Variants in ABCC8 observed in about 807,000 individuals in gnomAD.
ABCC8 encodes ATP-binding cassette sub-family C member 8.
A neutral mutation model predicts 188.0 loss-of-function variants in ABCC8; 137 were observed. The ratio of observed to expected loss-of-function variants is 0.73; its 90% CI spans 0.63 to 0.84. ABCC8 has a LOEUF of 0.84. Among genes scored for constraint, ABCC8 ranks in the 40% least tolerant of loss-of-function variants. The probability of loss-of-function intolerance (pLI) is 0.00; values close to 1 mark genes in which losing one functional copy is unlikely to be tolerated. For missense variants in ABCC8, 1,750 were observed against 2,072.7 expected (o/e 0.84, Z 3.02); for synonymous variants, 797 against 846.5 (o/e 0.94, Z 1.01).
At position 17,474,868 on chromosome 11, in the gene ABCC8, C is replaced by A. The variant is rs1420525116; in HGVS notation, c.290+18G>T. 6.2e-7 allele frequency: 1 copy of A among 1,613,654 alleles called. No homozygotes were observed. Among genetic ancestry groups the A allele is most frequent in the South Asian group, 1.1e-5 (1 of 91,074 alleles). ...CTGGAGCAGATTCACTTTCCTGAGT[C>A]CTCAGACAGTCACTCACCCATCAGA... On this transcript the variant is annotated intron_variant, in intron 2 of 38. Coordinates refer to ENST00000389817, the MANE Select transcript of ABCC8 (RefSeq NM_000352.6).
At chr11:17,461,443 A>T in intron 5 of ABCC8, 140 bp downstream of exon 5, 1 of 1,121,364 alleles carries the variant, frequency 8.9e-7, no homozygotes. Flanking sequence ...TGTGTGACTT[A>T]AGGCAAGCTT....
At chr11:17,453,847 T>C (rs894116324) in intron 6 of ABCC8, among the ~76,000 whole-genome samples, 1 of 152,190 alleles carries the variant, frequency 6.6e-6, no homozygotes, top group African/African-American at 2.4e-5. Context: ...GCCAGCCTCA[T>C]GGGCTCCCAG....
chr11:17,413,254 A>G, intron 20 of ABCC8, 140 bp downstream of exon 20: 1 of 1,327,988 alleles, frequency 7.5e-7, no homozygotes, highest in Non-Finnish European at 1.1e-6. Flanking sequence ...CAAGAACAAC[A>G]TGTTTGACCT....
chr11:17,451,994 G>A (rs936668015), intron 7 of ABCC8, among the ~76,000 whole-genome samples: 17 of 152,202 alleles, frequency 1.1e-4, no homozygotes, highest in Non-Finnish European at 1.5e-5. Flanking sequence ...AAGAAGGCTG[G>A]CAGAGCAACA....
chr11:17,392,980 G>T lies in ABCC8; in HGVS notation c.*11C>A, dbSNP rs375603803. Reference sequence around the variant, plus strand: ...GGTCCGAATGTGGGATGGCACTTGGGCTCTGGCAGGTCACTTGTCTGCACG... The same window carrying T: ...GGTCCGAATGTGGGATGGCACTTGGTCTCTGGCAGGTCACTTGTCTGCACG... On this transcript the variant is annotated 3_prime_UTR_variant, in exon 39 of 39. Coordinates refer to ENST00000389817, the MANE Select transcript of ABCC8 (RefSeq NM_000352.6). 8.7e-6 allele frequency: 14 copies of T among 1,613,824 alleles called. No individual in the cohort carries two copies. The African/African-American group carries it at 1.7e-4, about 20-fold the overall frequency.
At chr11:17,428,860 G>T in intron 12 of ABCC8, 190 bp from the exon 13 acceptor site, 2 of 1,065,134 alleles carry the variant, frequency 1.9e-6, no homozygotes, top group Non-Finnish European at 2.6e-6. Flanking sequence ...TGCTAGGGTT[G>T]ACCAGTCAGC....
intron 3 of ABCC8, among the ~76,000 whole-genome samples, chr11:17,464,708 T>C (rs944574256): frequency 1.3e-5 from 2 of 152,212 alleles, no homozygotes; most frequent in African/African-American, 4.8e-5. Context: ...CACACTCACT[T>C]CAATCTGCCA....
Position 17,394,230 on chromosome 11 carries a change from C to T in ABCC8, c.4545+36G>A, listed in dbSNP as rs780147713. 26 of 1,607,876 alleles carry T rather than the reference C, an allele frequency of 1.6e-5. No homozygotes were observed. In the African/African-American group the frequency reaches 3.2e-4, roughly 20 times the overall value. ...CCCTAGCATCCCACTAAACCCTTTC[C>T]AAGACCATGGTCCCATGGAGGGGCC... On this transcript the variant is annotated intron_variant, in intron 37 of 38. Coordinates refer to ENST00000389817, the MANE Select transcript of ABCC8 (RefSeq NM_000352.6).
chr11:17,469,068 C>T (rs543787535), intron 3 of ABCC8, among the ~76,000 whole-genome samples: 4 of 131,426 alleles, frequency 3.0e-5, no homozygotes, highest in Non-Finnish European at 6.5e-5. Flanking sequence ...CTCCCTCCCT[C>T]CCTTCCCTCC....
In ABCC8 at chr11:17,460,619, C is replaced by A. The variant is rs1376182984; in HGVS notation, c.880G>T (p.Ala294Ser). 1 of 1,612,720 alleles carries A rather than the reference C, an allele frequency of 6.2e-7. No individual in the cohort carries two copies. Among genetic ancestry groups the A allele is most frequent in the African/African-American group, 1.3e-5 (1 of 74,934 alleles). The stretch of plus-strand genomic sequence containing the variant: ...CTGAGGACCAGGCGCCTCCCGAAGG[C>A]ATGGCTGAGTGCCTGCCAGATGGCC... The part of the protein sequence containing the change: ...ARAIWQALSH[A>S]FGRRLVLSST... The change falls in exon 6 of 39, where the codon GCC becomes TCC. Residue 294 changes from alanine (A) to serine (S), a missense_variant. By Grantham distance (99) the Ala-to-Ser change is moderately conservative (BLOSUM62 1). Transcript: ENST00000389817.
chr11:17,474,902 C>T lies in ABCC8; in HGVS notation c.274G>A (p.Gly92Ser), dbSNP rs780870376. 27 of 1,614,068 alleles carry T rather than the reference C, an allele frequency of 1.7e-5. No homozygotes were observed. The highest frequency in any genetic ancestry group is 2.3e-5 in the Non-Finnish European group (27 of 1,180,048). The change falls in exon 2 of 39, where the codon GGC (glycine) becomes AGC (serine). Residue 92 changes from glycine (G) to serine (S), a missense_variant. Gly to Ser is a moderately conservative substitution (Grantham distance 56, BLOSUM62 0). Coordinates refer to ENST00000389817, the MANE Select transcript of ABCC8 (RefSeq NM_000352.6). ...GTCACTCACCCATCAGACAGGATGC[C>T]CTCTGCAATCTCACACACCAGGACG... ...LFVLVCEIAE[G>S]ILSDGVTESH...
intron 16 of ABCC8, among the ~76,000 whole-genome samples, chr11:17,425,440 A>C (rs1955538312): frequency 6.6e-6 from 1 of 152,158 alleles, no homozygotes; most frequent in African/African-American, 2.4e-5. Context: ...TGACACCTTC[A>C]ATAATTTTCC....
intron 10 of ABCC8, among the ~76,000 whole-genome samples, chr11:17,433,530 G>A (rs920178875): frequency 2.6e-5 from 4 of 152,232 alleles, no homozygotes; most frequent in South Asian, 2.1e-4. Flanking sequence ...CCCAACTTCA[G>A]GGAATCCCAA....
intron 12 of ABCC8, chr11:17,429,903 C>T (rs924949773): frequency 6.6e-6 from 1 of 152,390 alleles, no homozygotes; most frequent in Non-Finnish European, 1.5e-5. Flanking sequence ...TGAACCCATG[C>T]TAGAGTCTCC....
At chr11:17,474,078 T>C (rs1181125416) in intron 2 of ABCC8, among the ~76,000 whole-genome samples, 1 of 152,238 alleles carries the variant, frequency 6.6e-6, no homozygotes, top group Admixed American at 6.5e-5. Context: ...GTCTGAAGCC[T>C]AGTCACCCTT....
In ABCC8 at chr11:17,409,004, G is replaced by A. The variant is rs191984371; in HGVS notation, c.2695-487C>T. On this transcript the variant is annotated intron_variant, in intron 22 of 38. Coordinates refer to ENST00000389817, the MANE Select transcript of ABCC8 (RefSeq NM_000352.6). Reference sequence around the variant, plus strand: ...GGTCTCACTCTGTTGCCTAGGCTGGGGTGCAATGGCACCATCTCAGCTCAC... The same window carrying A: ...GGTCTCACTCTGTTGCCTAGGCTGGAGTGCAATGGCACCATCTCAGCTCAC... 1.5e-4 allele frequency among the ~76,000 whole-genome samples: 22 copies of A among 150,988 alleles called. No homozygotes were observed. In the East Asian group the frequency reaches 4.1e-3, roughly 28 times the overall value.
chr11:17,449,296 C>T (rs1022215080), intron 7 of ABCC8, among the ~76,000 whole-genome samples: 2 of 152,178 alleles, frequency 1.3e-5, no homozygotes, highest in South Asian at 2.1e-4. Flanking sequence ...CAGTGGAGAA[C>T]ACAGATCAGA....
chr11:17,443,053 G>A, intron 9 of ABCC8, 125 bp downstream of exon 9: 1 of 1,493,732 alleles, frequency 6.7e-7, no homozygotes, highest in Non-Finnish European at 9.2e-7. Flanking sequence ...GGCCTGGACA[G>A]GTGAAGTGGC....
In ABCC8 at chr11:17,446,438, A is replaced by G. The variant is rs141476957; in HGVS notation, c.1332+2078T>C. ...GCATGGTCAGAAATCTTCATTTTTC[A>G]TGTTTCAAAAAAAAAATTGTGTTAG... On this transcript the variant is annotated intron_variant, in intron 8 of 38. Transcript: ENST00000389817. Among the ~76,000 whole-genome samples, 797 of 151,456 alleles carry G rather than the reference A, an allele frequency of 5.3e-3. 8 individuals are homozygous for G. Among genetic ancestry groups the G allele is most frequent in the African/African-American group, 0.018 (748 of 41,212 alleles).
Sources: gnomAD v4.1 joint callset for allele counts (sites outside exome capture counted in the v4.1 genomes callset) on GRCh38, gnomAD v4.1.1 for gene constraint, MANE v1.5 for transcripts, NCBI Gene and HGNC (gene_info 2026-07-23, HGNC 2026-07-21) for gene names.